The following PUM2 variants were observed in gnomAD, a reference collection of about 807,000 sequenced individuals.
The protein encoded by PUM2 is pumilio homolog 2.
PUM2 carries 57 observed loss-of-function variants against 124.5 expected under a neutral mutation model. The observed-to-expected ratio is 0.46, with a 90% CI of 0.37 to 0.57. The LOEUF (loss-of-function observed/expected upper bound fraction) is 0.57, where lower values mean the gene tolerates loss of function less well. Ranked by LOEUF, PUM2 falls within the 20% of genes least tolerant of loss-of-function variation. The pLI is 0.00. For synonymous variants in PUM2, 460 were observed against 446.1 expected (o/e 1.03, Z -0.39); for missense variants, 1,065 against 1,290.6 (o/e 0.83, Z 2.68).
At chr2:20,305,407 AG>A in intron 7 of PUM2, among the ~76,000 whole-genome samples, 1 of 142,310 alleles carries the variant, frequency 7.0e-6, no homozygotes, top group East Asian at 2.1e-4. Context: ...CAGCCTGGGA[AG>A]CTGAGGCTGT....
chr2:20,321,164 T>A (rs1682247348), intron 2 of PUM2, among the ~76,000 whole-genome samples: 2 of 152,102 alleles, frequency 1.3e-5, no homozygotes, highest in African/African-American at 4.8e-5. Context: ...AGCACACACC[T>A]GTAGTCCCAG....
intron 5 of PUM2, 139 bp from the exon 6 acceptor site, chr2:20,308,723 C>T (rs1200736650): frequency 2.6e-6 from 2 of 760,216 alleles, no homozygotes; most frequent in Non-Finnish European, 2.0e-6. Flanking sequence ...GCCACCTTAT[C>T]ACATTTTTTT....
chr2:20,308,570 C>T lies in PUM2; in HGVS notation c.533G>A (p.Ser178Asn). The change falls in exon 6 of 21, where the codon AGT (serine) becomes AAT (asparagine). Residue 178 changes from serine to asparagine, a missense_variant. This residue lies in a region of PUM2 where 968 missense variants were observed against 1,159.8 expected (regional missense o/e 0.83). Transcript: ENST00000361078. ...DCKDFNRTPG[S>N]RQASPTEVVE... ...TACTTCAGTTGGAGAGGCTTGACGA[C>T]TTCCAGGAGTACGACTACATAAAGA... The T allele has an allele frequency of 1.2e-6, 2 of 1,611,234 alleles. No individual in the cohort carries two copies. Among genetic ancestry groups the T allele is most frequent in the Non-Finnish European group, 8.5e-7 (1 of 1,178,580 alleles).
intron 13 of PUM2, among the ~76,000 whole-genome samples, chr2:20,270,126 G>A (rs978916397): frequency 6.6e-6 from 1 of 152,024 alleles, no homozygotes; most frequent in Non-Finnish European, 1.5e-5. Flanking sequence ...CCCTAACCCC[G>A]CAAAAGAGTA....
At chr2:20,295,416 G>C (rs1270876422) in intron 8 of PUM2, among the ~76,000 whole-genome samples, 2 of 151,866 alleles carry the variant, frequency 1.3e-5, no homozygotes, top group Non-Finnish European at 2.9e-5. Flanking sequence ...ATTCAAAGGG[G>C]AAAAAAGCCC....
intron 10 of PUM2, among the ~76,000 whole-genome samples, chr2:20,287,475 T>G (rs572747769): frequency 6.6e-6 from 1 of 152,282 alleles, no homozygotes; most frequent in South Asian, 2.1e-4. Context: ...ACCAATTTTG[T>G]TTAAAATTTA....
rs1675840420 is a variant in PUM2 at position 20,297,266 on chromosome 2, T to C, written c.1009+287A>G. On this transcript the variant is annotated intron_variant, in intron 8 of 20. Coordinates refer to ENST00000361078, the MANE Select transcript of PUM2 (RefSeq NM_015317.5). ...GCATTGTCTCTGCGGGTAATGGGGT[T>C]TGTCATTAAAATGGAGATTCATGGT... Among the ~76,000 whole-genome samples the C allele has an allele frequency of 3.9e-5, 6 of 152,322 alleles. 1 individual carries two copies. The South Asian group carries it at 1.0e-3, about 26-fold the overall frequency.
chr2:20,272,791 A>G (rs571419127), intron 13 of PUM2, among the ~76,000 whole-genome samples: 1 of 152,324 alleles, frequency 6.6e-6, no homozygotes, highest in South Asian at 2.1e-4. Flanking sequence ...AAAATATGGT[A>G]TGTCCTTCCA....
chr2:20,277,703 C>T (rs1670580757), intron 13 of PUM2, among the ~76,000 whole-genome samples: 1 of 152,076 alleles, frequency 6.6e-6, no homozygotes, highest in Non-Finnish European at 1.5e-5. Context: ...CATCTGCTTA[C>T]AGTAGCAACA....
chr2:20,316,071 T>C (rs1384259576), intron 3 of PUM2, among the ~76,000 whole-genome samples: 1 of 152,164 alleles, frequency 6.6e-6, no homozygotes, highest in Non-Finnish European at 1.5e-5. Context: ...AGGTTAATTC[T>C]AATTCAGAAA....
At position 20,339,163 on chromosome 2, in the gene PUM2, AG is replaced by A. The variant is rs1026307337; in HGVS notation, c.-19+11433del. Reference sequence around the variant, plus strand: ...TTTACTACAATGTATGAGCAAGACTAGATTTTTCCTAAATATACTTACATGC... The same window carrying A: ...TTTACTACAATGTATGAGCAAGACTAATTTTTCCTAAATATACTTACATGC... On this transcript the variant is annotated intron_variant, in intron 1 of 20. Transcript: ENST00000361078. Among the ~76,000 whole-genome samples the A allele has an allele frequency of 1.4e-3, 212 of 152,052 alleles. 1 individual carries two copies. The highest frequency in any genetic ancestry group is 4.6e-3 in the African/African-American group (192 of 41,482).
At chr2:20,327,123 G>A (rs1365074660) in intron 2 of PUM2, among the ~76,000 whole-genome samples, 187 bp downstream of exon 2, 1 of 150,688 alleles carries the variant, frequency 6.6e-6, no homozygotes, top group African/African-American at 2.5e-5. Context: ...AAAAATTACT[G>A]CTAAAAGCTT....
rs1663197605 is a variant in PUM2, at chr2:20,251,096, ATTG to A, written c.*486_*488del. ...AATATTAATAATATTTATGCAGTTG[ATTG>A]TTAATCTGTTATAAAAGGTTTCACG... On this transcript the variant is annotated 3_prime_UTR_variant, in exon 21 of 21. Transcript: ENST00000361078. The A allele has an allele frequency of 6.6e-6, 1 of 152,542 alleles. No individual in the cohort carries two copies. Among genetic ancestry groups the A allele is most frequent in the Non-Finnish European group, 1.5e-5 (1 of 68,040 alleles). 9.4% of individuals were successfully genotyped at this position (152,542 alleles called of 1,614,324 possible).
rs1572866431 is a variant in PUM2, at chr2:20,312,220, T to C, written c.348+16A>G. The C allele has an allele frequency of 6.5e-7, 1 of 1,543,236 alleles. No individual in the cohort carries two copies. The highest frequency in any genetic ancestry group is 8.9e-7 in the Non-Finnish European group (1 of 1,129,570). On this transcript the variant is annotated intron_variant, in intron 4 of 20. Coordinates refer to ENST00000361078, the MANE Select transcript of PUM2 (RefSeq NM_015317.5). ...CTCAAGCAAATATTAAATATTTCTT[T>C]ATTCAAAATACTTACAAAATTTCCC...
At chr2:20,307,900 C>A in intron 7 of PUM2, 78 bp downstream of exon 7, 1 of 1,530,812 alleles carries the variant, frequency 6.5e-7, no homozygotes, top group Non-Finnish European at 8.9e-7. Flanking sequence ...AAAACCTCAC[C>A]AATCAGTAAA....
At chr2:20,251,770 C>G in intron 20 of PUM2, 54 bp from the exon 21 acceptor site, 1 of 1,574,200 alleles carries the variant, frequency 6.4e-7, no homozygotes, top group Non-Finnish European at 8.7e-7. Flanking sequence ...TTTCTGATTT[C>G]TTAAAAAAGC....
chr2:20,267,524 C>T lies in PUM2; in HGVS notation c.1958-4064G>A, dbSNP rs578062446. Among the ~76,000 whole-genome samples, 60 of 152,294 alleles carry T rather than the reference C, an allele frequency of 3.9e-4. 1 individual carries two copies. The highest frequency in any genetic ancestry group is 1.4e-3 in the African/African-American group (60 of 41,566). On this transcript the variant is annotated intron_variant, in intron 13 of 20. Coordinates refer to ENST00000361078, the MANE Select transcript of PUM2 (RefSeq NM_015317.5). ...AAAACAAACACATAAACAGGTCATC[C>T]ATATTCATACTTCTGCTGCTGGTAG...
chr2:20,284,846 G>A (rs1454291527), intron 10 of PUM2, among the ~76,000 whole-genome samples: 1 of 152,164 alleles, frequency 6.6e-6, no homozygotes, highest in Non-Finnish European at 1.5e-5. Flanking sequence ...AGACACACAT[G>A]CATAGGTTGT....
chr2:20,328,193 G>C (rs1403264267), intron 1 of PUM2, among the ~76,000 whole-genome samples: 1 of 152,166 alleles, frequency 6.6e-6, no homozygotes, highest in African/African-American at 2.4e-5. Flanking sequence ...AAAATTAGCT[G>C]GGTGCGGTGG....
Sources: gnomAD v4.1 joint callset for allele counts (sites outside exome capture counted in the v4.1 genomes callset) on GRCh38, gnomAD v4.1.1 for gene constraint, gnomAD v4.1.1 regional missense constraint, MANE v1.5 for transcripts, NCBI Gene and HGNC (gene_info 2026-07-23, HGNC 2026-07-21) for gene names.